Variants in RERE observed in about 807,000 individuals in gnomAD.
The protein encoded by RERE is arginine-glutamic acid dipeptide repeats protein.
In RERE, 40 loss-of-function variants were observed where a neutral mutation model predicts 146.1. That is an observed-to-expected ratio of 0.27 (90% confidence interval 0.21 to 0.36). The LOEUF (loss-of-function observed/expected upper bound fraction) is 0.36, where lower values mean the gene tolerates loss of function less well. RERE is among the 10% of genes least tolerant of loss of function. The pLI is 1.00. For missense variants in RERE, 1,933 were observed against 2,138.7 expected (o/e 0.90, Z 1.90); for synonymous variants, 1,003 against 866.0 (o/e 1.16, Z -2.78).
chr1:8,800,398 C>T (rs1224640994), intron 1 of RERE, among the ~76,000 whole-genome samples: 2 of 152,064 alleles, frequency 1.3e-5, no homozygotes, highest in Non-Finnish European at 2.9e-5. Flanking sequence ...ACACTCAGAA[C>T]GAAGTATTCC....
In RERE at chr1:8,635,667, G is replaced by C. The variant is rs1262205450; in HGVS notation, c.326-11287C>G. Among the ~76,000 whole-genome samples, 7 of 152,032 alleles carry C rather than the reference G, an allele frequency of 4.6e-5. No homozygotes were observed. In the East Asian group the frequency reaches 1.3e-3, roughly 29 times the overall value. On this transcript the variant is annotated intron_variant, in intron 2 of 22. Coordinates refer to ENST00000400908, the MANE Select transcript of RERE (RefSeq NM_001042681.2). ...TGAGAACTTTGGGAGGAAAAATTAA[G>C]ACTTCCCCATTCTAAACAAAGTATA...
intron 1 of RERE, among the ~76,000 whole-genome samples, chr1:8,808,231 CTG>C (rs1332552397): frequency 6.7e-6 from 1 of 149,564 alleles, no homozygotes. Context: ...AAACTTCAAA[CTG>C]TACTATTACT....
At chr1:8,809,982 T>C (rs1641772684) in intron 1 of RERE, among the ~76,000 whole-genome samples, 1 of 151,470 alleles carries the variant, frequency 6.6e-6, no homozygotes, top group Non-Finnish European at 1.5e-5. Context: ...GCACAGTTTG[T>C]TGTTTTTGTT....
rs1643956502 is a variant in RERE at position 8,423,767 on chromosome 1, TG to T, written c.1204-961del. On this transcript the variant is annotated intron_variant, in intron 11 of 22. Transcript: ENST00000400908. The surrounding 1 kb of genome is among the most constrained non-coding windows in gnomAD (Gnocchi z 5.4). ...GGGGGCGCGGGGCTGGGGCCGCCGCTGACGGGGGAGGAGGCAGGAGCGCGGC... is the reference window on the plus strand; with the variant it reads ...GGGGGCGCGGGGCTGGGGCCGCCGCTACGGGGGAGGAGGCAGGAGCGCGGC... 1 of 840,976 alleles carries T rather than the reference TG, an allele frequency of 1.2e-6. No individual in the cohort carries two copies. Among genetic ancestry groups the T allele is most frequent in the African/African-American group, 1.9e-5 (1 of 53,468 alleles). The allele number at this position is 840,976 out of a possible 1,614,324, so 52.1% of individuals were successfully genotyped here.
intron 10 of RERE, among the ~76,000 whole-genome samples, chr1:8,471,437 C>A (rs550461111): frequency 6.6e-6 from 1 of 151,906 alleles, no homozygotes; most frequent in East Asian, 1.9e-4. Flanking sequence ...TTCAGCCGCC[C>A]AAGTACTAGG....
chr1:8,714,926 T>C (rs1477138999), intron 1 of RERE, among the ~76,000 whole-genome samples: 2 of 152,016 alleles, frequency 1.3e-5, no homozygotes, highest in Non-Finnish European at 2.9e-5. Context: ...CAAGCCGGAA[T>C]GCAGTGGAGC....
chr1:8,607,395 A>C (rs1646729664), intron 4 of RERE, among the ~76,000 whole-genome samples: 1 of 151,398 alleles, frequency 6.6e-6, no homozygotes, highest in Admixed American at 6.6e-5. Flanking sequence ...CCCATCAAAA[A>C]ATACTACGAT....
chr1:8,800,448 C>T (rs1028752933), intron 1 of RERE, among the ~76,000 whole-genome samples: 2 of 152,038 alleles, frequency 1.3e-5, no homozygotes, highest in Non-Finnish European at 1.5e-5. Context: ...TGAGAGACCA[C>T]GAAAGTATAT....
chr1:8,631,573 A>G (rs1647035827), intron 2 of RERE, among the ~76,000 whole-genome samples: 1 of 152,222 alleles, frequency 6.6e-6, no homozygotes, highest in Non-Finnish European at 1.5e-5. Context: ...AGTTATACTG[A>G]TATGCTAAAT....
At chr1:8,418,776 T>G (rs1643846238) in intron 12 of RERE, among the ~76,000 whole-genome samples, 1 of 152,266 alleles carries the variant, frequency 6.6e-6, no homozygotes, top group Non-Finnish European at 1.5e-5. Context: ...TAACATGGAT[T>G]CACCTTTAGG....
chr1:8,392,190 T>C (rs1390072083), intron 12 of RERE, among the ~76,000 whole-genome samples: 2 of 152,178 alleles, frequency 1.3e-5, no homozygotes, highest in South Asian at 2.1e-4. Context: ...ACTTACCTTG[T>C]AAAGAAATAA....
At chr1:8,584,559 A>G (rs995070882) in intron 4 of RERE, among the ~76,000 whole-genome samples, 5 of 152,164 alleles carry the variant, frequency 3.3e-5, no homozygotes, top group Non-Finnish European at 7.3e-5. Flanking sequence ...AAAGGAATCC[A>G]TTAGAGAACA....
chr1:8,739,926 C>T (rs937563539), intron 1 of RERE, among the ~76,000 whole-genome samples: 1 of 151,670 alleles, frequency 6.6e-6, no homozygotes, highest in East Asian at 1.9e-4. Flanking sequence ...TACTTGCTTG[C>T]TTTTTTTATT....
intron 1 of RERE, among the ~76,000 whole-genome samples, chr1:8,752,097 C>T (rs1462324344): frequency 6.6e-6 from 1 of 151,980 alleles, no homozygotes; most frequent in South Asian, 2.1e-4. Flanking sequence ...ATTTTACAGA[C>T]AGCAAAAAGA....
chr1:8,498,010 T>A (rs907347653), intron 8 of RERE, among the ~76,000 whole-genome samples: 1 of 152,170 alleles, frequency 6.6e-6, no homozygotes, highest in African/African-American at 2.4e-5. Context: ...AGACAGTCAA[T>A]AGCAATATAA....
chr1:8,656,116 T>C lies in RERE; in HGVS notation c.182A>G (p.Asn61Ser), dbSNP rs534988437. 3 of 1,614,144 alleles carry C rather than the reference T, an allele frequency of 1.9e-6. No individual in the cohort carries two copies. The highest frequency in any genetic ancestry group is 2.5e-6 in the Non-Finnish European group (3 of 1,179,998). The change falls in exon 2 of 23, where the codon AAT becomes AGT. Residue 61 changes from asparagine (N) to serine (S), a missense_variant. This residue lies in a region of RERE where 107 missense variants were observed against 119.7 expected (regional missense o/e 0.89). Coordinates refer to ENST00000400908, the MANE Select transcript of RERE (RefSeq NM_001042681.2). ...AESDHSEDEDNDNNSATAEES... is the reference protein window; with the variant it reads ...AESDHSEDEDSDNNSATAEES... ...CTCTGCGGTGGCACTATTGTTGTCA[T>C]TGTCCTCGTCTTCACTGTGATCACT...
At chr1:8,787,253 A>T (rs1459502567) in intron 1 of RERE, among the ~76,000 whole-genome samples, 3 of 152,142 alleles carry the variant, frequency 2.0e-5, no homozygotes, top group Non-Finnish European at 4.4e-5. Context: ...ATACCTCCGC[A>T]TGGCTCCCTA....
At chr1:8,732,045 T>C (rs568987753) in intron 1 of RERE, among the ~76,000 whole-genome samples, 134 of 152,210 alleles carry the variant, frequency 8.8e-4, no homozygotes, top group Middle Eastern at 6.8e-3. Context: ...CCTCGTGATC[T>C]GCCCACCTCA....
chr1:8,651,390 A>G (rs956112586), intron 2 of RERE, among the ~76,000 whole-genome samples: 2 of 152,188 alleles, frequency 1.3e-5, no homozygotes, highest in Non-Finnish European at 2.9e-5. Context: ...AGTCTGAGCG[A>G]CAGAGTGAGA....
Sources: allele counts gnomAD v4.1 joint callset (sites outside exome capture counted in the v4.1 genomes callset), GRCh38; gene constraint gnomAD v4.1.1; regional missense constraint gnomAD v4.1.1; non-coding constraint Gnocchi (gnomAD v3.1); transcripts MANE v1.5; gene names NCBI Gene and HGNC (gene_info 2026-07-23, HGNC 2026-07-21).